DCAF5: variants seen among roughly 807,000 people sequenced by gnomAD.
DCAF5 encodes the protein DDB1 and CUL4 associated factor 5.
DCAF5 carries 9 observed loss-of-function variants against 80.7 expected under a neutral mutation model. That is an observed-to-expected ratio of 0.11 (90% confidence interval 0.07 to 0.19). DCAF5 has a LOEUF of 0.19. DCAF5 is among the 10% of genes least tolerant of loss of function. DCAF5 has a pLI of 1.00. For synonymous variants in DCAF5, 433 were observed against 461.9 expected, an observed-to-expected ratio of 0.94 and a Z score of 0.80; for missense variants, 842 against 1,205.7, an observed-to-expected ratio of 0.70 and a Z score of 4.47.
chr14:69,072,700 T>C (rs1361598757), intron 7 of DCAF5, among the ~76,000 whole-genome samples: 1 of 148,460 alleles, frequency 6.7e-6, no homozygotes, highest in Non-Finnish European at 1.5e-5. Context: ...GGCAGAAGGG[T>C]TGAATCCCCA....
chr14:69,069,685 G>C (rs2038607965), intron 7 of DCAF5, among the ~76,000 whole-genome samples: 1 of 151,810 alleles, frequency 6.6e-6, no homozygotes. Flanking sequence ...GTGTTGCTCA[G>C]GCTGGTCTCA....
At chr14:69,074,951 T>C (rs1227992653) in intron 7 of DCAF5, among the ~76,000 whole-genome samples, 1 of 151,896 alleles carries the variant, frequency 6.6e-6, no homozygotes. Flanking sequence ...GGAGAATTGC[T>C]TGAACCCGGG....
intron 1 of DCAF5, among the ~76,000 whole-genome samples, chr14:69,132,578 C>T (rs914440241): frequency 6.6e-6 from 1 of 152,134 alleles, no homozygotes; most frequent in African/African-American, 2.4e-5. Context: ...CCTCAAGGAA[C>T]ATCATATATA....
At chr14:69,128,847 G>A (rs1279595561) in intron 1 of DCAF5, among the ~76,000 whole-genome samples, 1 of 152,050 alleles carries the variant, frequency 6.6e-6, no homozygotes, top group African/African-American at 2.4e-5. Flanking sequence ...GGGAGGTCGA[G>A]GTGGGAGGAT....
intron 6 of DCAF5, chr14:69,089,938 A>C: frequency 1.0e-6 from 1 of 985,430 alleles, no homozygotes; most frequent in Non-Finnish European, 1.2e-6. Context: ...ACCATGGTCT[A>C]GGTGCTTACA....
At chr14:69,107,278 C>G (rs2040195285) in intron 5 of DCAF5, among the ~76,000 whole-genome samples, 2 of 152,178 alleles carry the variant, frequency 1.3e-5, no homozygotes. Flanking sequence ...CGCAAGCAAT[C>G]TCTGGCCTAA....
intron 1 of DCAF5, among the ~76,000 whole-genome samples, chr14:69,139,696 A>G (rs1354564066): frequency 4.0e-5 from 6 of 151,632 alleles, no homozygotes; most frequent in African/African-American, 1.2e-4. Context: ...CATGCCTACA[A>G]TCCCAGCTAC....
chr14:69,063,704 T>C (rs2038321411), intron 7 of DCAF5, among the ~76,000 whole-genome samples: 2 of 152,184 alleles, frequency 1.3e-5, no homozygotes, highest in African/African-American at 2.4e-5. Flanking sequence ...AGAAATAATA[T>C]GGCTCTAGGG....
chr14:69,092,708 C>A (rs1409132127), intron 5 of DCAF5, among the ~76,000 whole-genome samples: 5 of 152,038 alleles, frequency 3.3e-5, no homozygotes, highest in Admixed American at 2.6e-4. Context: ...AATCTGTTCA[C>A]AAAGAATTTT....
At chr14:69,079,560 G>A (rs1434059217) in intron 6 of DCAF5, among the ~76,000 whole-genome samples, 4 of 152,120 alleles carry the variant, frequency 2.6e-5, no homozygotes, top group Non-Finnish European at 4.4e-5. Context: ...GGCATTTCAC[G>A]GTTGTCTGCT....
intron 5 of DCAF5, among the ~76,000 whole-genome samples, chr14:69,108,409 C>A (rs1001480441): frequency 6.6e-6 from 1 of 151,888 alleles, no homozygotes; most frequent in African/African-American, 2.4e-5. Flanking sequence ...GGGGGTGGTG[C>A]AAAGGGAGAA....
At chr14:69,149,938 G>A (rs2041651953) in intron 1 of DCAF5, among the ~76,000 whole-genome samples, 1 of 152,192 alleles carries the variant, frequency 6.6e-6, no homozygotes, top group African/African-American at 2.4e-5. Context: ...GAAAATTATT[G>A]AAGGACTTCC....
intron 7 of DCAF5, among the ~76,000 whole-genome samples, chr14:69,063,364 C>T (rs558378486): frequency 6.2e-4 from 95 of 152,216 alleles, no homozygotes; most frequent in Non-Finnish European, 1.0e-3. Context: ...GGTATCACAT[C>T]CATCCAGAAC....
intron 7 of DCAF5, among the ~76,000 whole-genome samples, chr14:69,068,757 T>C (rs2038567922): frequency 6.7e-6 from 1 of 148,490 alleles, no homozygotes; most frequent in Admixed American, 6.7e-5. Context: ...TCCTGGTACA[T>C]CTAAAAAAGG....
chr14:69,119,118 T>C (rs1374332218), intron 3 of DCAF5, 76 bp downstream of exon 3: 1 of 1,439,194 alleles, frequency 6.9e-7, no homozygotes, highest in Admixed American at 2.3e-5. Context: ...AAAACTATTT[T>C]AGTCTAAAGA....
rs2140140038 is a variant in DCAF5 at position 69,152,970 on chromosome 14, C to A, written c.9G>T (p.Arg3Ser). The A allele has an allele frequency of 6.3e-7, 1 of 1,595,182 alleles. No homozygotes were observed. The highest frequency in any genetic ancestry group is 8.5e-7 in the Non-Finnish European group (1 of 1,172,712). The change falls in exon 1 of 9, where the codon AGG becomes AGT. Residue 3 changes from arginine to serine, a missense_variant. Physicochemically the swap from Arg to Ser is moderately radical, Grantham distance 110 (BLOSUM62 -1). Coordinates refer to ENST00000341516, the MANE Select transcript of DCAF5 (RefSeq NM_003861.3). The surrounding 1 kb of genome is among the most constrained non-coding windows in gnomAD (Gnocchi z 4.1). MK[R>S]RAGLGGSMRS... is the part of the protein sequence containing the mutation. ...TCATGCTGCCCCCCAGGCCAGCTCT[C>A]CTCTTCATGCTGGAACCGCCGCCGC...
At chr14:69,153,156 C>A, upstream of DCAF5, 1 of 455,300 alleles carries the variant, frequency 2.2e-6, no homozygotes, top group East Asian at 3.7e-5. Flanking sequence ...TCCTGACGGT[C>A]CCCTCCCTCT....
At chr14:69,128,335 C>A (rs1022205654) in intron 1 of DCAF5, among the ~76,000 whole-genome samples, 1 of 151,940 alleles carries the variant, frequency 6.6e-6, no homozygotes, top group Non-Finnish European at 1.5e-5. Context: ...TACAGGCAAG[C>A]ACCACCACAC....
At chr14:69,090,189 A>G in intron 6 of DCAF5, 1 of 815,590 alleles carries the variant, frequency 1.2e-6, no homozygotes, top group Non-Finnish European at 1.5e-6. Flanking sequence ...GAAAAAAGGA[A>G]GAGAGGGAGA....
Sources: gnomAD v4.1 joint callset for allele counts (sites outside exome capture counted in the v4.1 genomes callset) on GRCh38, gnomAD v4.1.1 for gene constraint, Gnocchi (gnomAD v3.1) non-coding constraint, MANE v1.5 for transcripts, NCBI Gene and HGNC (gene_info 2026-07-23, HGNC 2026-07-21) for gene names.